Variants in CPXM1 observed in about 807,000 individuals in gnomAD.
CPXM1 encodes probable carboxypeptidase X1.
Under a neutral mutation model 80.4 loss-of-function variants are expected in CPXM1, and 72 were observed. The ratio of observed to expected loss-of-function variants is 0.90; its 90% CI spans 0.74 to 1.09. CPXM1 has a LOEUF of 1.09. Among genes scored for constraint, CPXM1 ranks in the 50% least tolerant of loss-of-function variants. The pLI, the probability that CPXM1 is intolerant of heterozygous loss-of-function variation, is 0.00. For missense variants in CPXM1, 892 were observed against 999.4 expected (o/e 0.89, Z 1.45); for synonymous variants, 403 against 405.6 (o/e 0.99, Z 0.08).
rs373422048 is a variant in CPXM1 at position 2,795,825 on chromosome 20, G to T, written c.1494C>A (p.His498Gln). 1.9e-6 allele frequency: 3 copies of T among 1,611,804 alleles called. No individual in the cohort carries two copies. Among genetic ancestry groups the T allele is most frequent in the Admixed American group, 1.7e-5 (1 of 60,010 alleles). Residue 498 changes from histidine (H) to glutamine (Q), a missense_variant, in exon 11 of 14, where the codon CAC (histidine) becomes CAA (glutamine). Physicochemically the swap from His to Gln is conservative, Grantham distance 24 (BLOSUM62 0). Transcript: ENST00000380605. This position sits in a 1 kb window ranked among gnomAD's most constrained non-coding sequence, Gnocchi z 5.4. Reference sequence around the variant, plus strand: ...GGTAGGACACCACGAGCTCACCCCCGTGGAGGTTGGCACTTAGCACAAAGG... The same window carrying T: ...GGTAGGACACCACGAGCTCACCCCCTTGGAGGTTGGCACTTAGCACAAAGG... ...RIPFVLSANL[H>Q]GGELVVSYPF...
chr20:2,798,902 C>T lies in CPXM1; in HGVS notation c.173-9G>A, dbSNP rs780517948. On this transcript the variant is annotated splice_polypyrimidine_tract_variant and intron_variant, in intron 1 of 13. Transcript: ENST00000380605. ...ATGCTGTTCTGAGGTCCCTTGGGGT[C>T]CGAGAGGCACAGCATGGGGGAAAGG... The T allele has an allele frequency of 6.2e-7, 1 of 1,611,802 alleles. No individual in the cohort carries two copies. The highest frequency in any genetic ancestry group is 8.5e-7 in the Non-Finnish European group (1 of 1,178,738).
At position 2,794,133 on chromosome 20, in the gene CPXM1, C is replaced by A. The variant is rs1064561; in HGVS notation, c.*57G>T. 6.5e-7 allele frequency: 1 copy of A among 1,543,918 alleles called. No homozygotes were observed. Among genetic ancestry groups the A allele is most frequent in the Non-Finnish European group, 8.7e-7 (1 of 1,146,480 alleles). On this transcript the variant is annotated 3_prime_UTR_variant, in exon 14 of 14. Transcript: ENST00000380605. The surrounding 1 kb of genome is among the most constrained non-coding windows in gnomAD (Gnocchi z 5.2). ...CTCACTTTGTCCCTCCCTCTCTACTCTTCCCCTTCCCGTCTTGACAGGTCC... is the reference window on the plus strand; with the variant it reads ...CTCACTTTGTCCCTCCCTCTCTACTATTCCCCTTCCCGTCTTGACAGGTCC...
In CPXM1 at chr20:2,795,328, C is replaced by T. The variant is rs2088493583; in HGVS notation, c.1809G>A (p.Leu603=). 3.1e-6 allele frequency: 5 copies of T among 1,614,152 alleles called. No homozygotes were observed. Among genetic ancestry groups the T allele is most frequent in the African/African-American group, 1.3e-5 (1 of 75,058 alleles). ...SCDKFPHENE[L]PQEWENNKDA... is the part of the protein sequence containing the mutation. ...CTTTGTTGTTCTCCCACTCCTGGGG[C>T]AATTCATTCTCGTGAGGGAACTTGT... The change falls in exon 12 of 14, where the codon TTG becomes TTA. Residue 603 remains leucine, a synonymous_variant. Transcript: ENST00000380605. This position sits in a 1 kb window ranked among gnomAD's most constrained non-coding sequence, Gnocchi z 5.4.
intron 6 of CPXM1, 28 bp from the exon 7 acceptor site, chr20:2,797,122 G>A: frequency 6.2e-7 from 1 of 1,613,796 alleles, no homozygotes. Flanking sequence ...TATGGTAAAG[G>A]GTGTGTCCAC....
chr20:2,796,469 G>C lies in CPXM1; in HGVS notation c.1046-26C>G. The C allele has an allele frequency of 6.2e-7, 1 of 1,613,430 alleles. No homozygotes were observed. The highest frequency in any genetic ancestry group is 8.5e-7 in the Non-Finnish European group (1 of 1,179,572). ...CTGGGGACACATGGGGGCTTGCAGC[G>C]GGTTCATGCCTGGGGCCCTGCCCTG... On this transcript the variant is annotated intron_variant, in intron 8 of 13. Transcript: ENST00000380605. The surrounding 1 kb of genome is among the most constrained non-coding windows in gnomAD (Gnocchi z 6.8).
rs774363677 is a variant in CPXM1 at position 2,794,289 on chromosome 20, C to T, written c.2106G>A (p.Lys702=). The T allele has an allele frequency of 6.2e-6, 10 of 1,614,008 alleles. No homozygotes were observed. In the East Asian group the frequency reaches 1.6e-4, roughly 25 times the overall value. ...GCTCGCGCAGCCTCTGTTTGGGAGTCTTGGTGAGCACGAAATTGCAGGGGA... is the reference window on the plus strand; with the variant it reads ...GCTCGCGCAGCCTCTGTTTGGGAGTTTTGGTGAGCACGAAATTGCAGGGGA... ...GPFPCNFVLT[K]TPKQRLRELL... Residue 702 remains lysine (K), a synonymous_variant, in exon 14 of 14, where the codon AAG becomes AAA. Coordinates refer to ENST00000380605, the MANE Select transcript of CPXM1 (RefSeq NM_019609.5). The surrounding 1 kb of genome is among the most constrained non-coding windows in gnomAD (Gnocchi z 5.2).
rs745378870 is a variant in CPXM1, at chr20:2,796,403, G to T, written c.1086C>A (p.Asn362Lys). The T allele has an allele frequency of 6.2e-7, 1 of 1,614,018 alleles. No individual in the cohort carries two copies. Among genetic ancestry groups the T allele is most frequent in the African/African-American group, 1.3e-5 (1 of 75,038 alleles). ...EVRYVAGMHGNEALGRELLLL... is the reference protein window; with the variant it reads ...EVRYVAGMHGKEALGRELLLL... ...GAAGCAACTCCCGCCCCAGGGCCTC[G>T]TTCCCATGCATGCCAGCCACGTAGC... is the stretch of plus-strand genomic sequence containing the variant. Residue 362 changes from asparagine (N) to lysine (K), a missense_variant, in exon 9 of 14, where the codon AAC (asparagine) becomes AAA (lysine). Coordinates refer to ENST00000380605, the MANE Select transcript of CPXM1 (RefSeq NM_019609.5). The surrounding 1 kb of genome is among the most constrained non-coding windows in gnomAD (Gnocchi z 6.8).
In CPXM1 at chr20:2,796,898, C is replaced by A; in HGVS notation, c.921+108G>T. 1 of 1,106,124 alleles carries A rather than the reference C, an allele frequency of 9.0e-7. No individual in the cohort carries two copies. The highest frequency in any genetic ancestry group is 1.3e-6 in the Non-Finnish European group (1 of 743,296). 68.5% of individuals were successfully genotyped at this position (1,106,124 alleles called of 1,614,324 possible). On this transcript the variant is annotated intron_variant, in intron 7 of 13. Transcript: ENST00000380605. The surrounding 1 kb of genome is among the most constrained non-coding windows in gnomAD (Gnocchi z 6.8). Reference sequence around the variant, plus strand: ...AGAAGGCTGAGACATCAGGAGGCAGCAGGGGCATACAAGCGCAGTCACAGC... The same window carrying A: ...AGAAGGCTGAGACATCAGGAGGCAGAAGGGGCATACAAGCGCAGTCACAGC...
At position 2,798,756 on chromosome 20, in the gene CPXM1, T is replaced by C. The variant is rs936601760; in HGVS notation, c.310A>G (p.Thr104Ala). The change falls in exon 2 of 14, where the codon ACC becomes GCC. Residue 104 changes from threonine to alanine, a missense_variant. Thr to Ala is a moderately conservative substitution (Grantham distance 58). Around this residue, in one of 2 missense-constraint regions of CPXM1, gnomAD observed 874 missense variants for 958.4 expected, o/e 0.91. Coordinates refer to ENST00000380605, the MANE Select transcript of CPXM1 (RefSeq NM_019609.5). ...TCTTGTTTCTCAGCGGGGTCGAGGG[T>C]CCCTGCTGGAGTGGGGGTCACAAGG... is the stretch of plus-strand genomic sequence containing the variant. ...GPLVTPTPAG[T>A]LDPAEKQETG... 1 of 1,613,392 alleles carries C rather than the reference T, an allele frequency of 6.2e-7. No homozygotes were observed. Among genetic ancestry groups the C allele is most frequent in the Non-Finnish European group, 8.5e-7 (1 of 1,179,808 alleles).
intron 1 of CPXM1, among the ~76,000 whole-genome samples, chr20:2,800,175 G>C (rs1360002299): frequency 6.6e-6 from 1 of 151,586 alleles, no homozygotes; most frequent in Admixed American, 6.6e-5. Flanking sequence ...GTGTGCATGC[G>C]TGTGAATGCG....
chr20:2,797,645 T>C (rs990906558), intron 5 of CPXM1, among the ~76,000 whole-genome samples: 1 of 152,058 alleles, frequency 6.6e-6, no homozygotes, highest in Non-Finnish European at 1.5e-5. Flanking sequence ...AAGAGGTCCA[T>C]GAGATGCGGA....
In CPXM1 at chr20:2,798,267, A is replaced by G; in HGVS notation, c.475T>C (p.Tyr159His). 6.2e-7 allele frequency: 1 copy of G among 1,613,938 alleles called. No homozygotes were observed. The highest frequency in any genetic ancestry group is 8.5e-7 in the Non-Finnish European group (1 of 1,179,990). ...IQSGLEDGDL[Y>H]DGAWCAEEQD... ...TCCTCAGCACACCAGGCTCCATCATATAGATCGCCGTCCTCCAGGCCTGAC... is the reference window on the plus strand; with the variant it reads ...TCCTCAGCACACCAGGCTCCATCATGTAGATCGCCGTCCTCCAGGCCTGAC... The change falls in exon 4 of 14, where the codon TAT (tyrosine) becomes CAT (histidine). Residue 159 changes from tyrosine to histidine, a missense_variant. Tyr to His is a moderately conservative substitution (Grantham distance 83). This residue lies in a region of CPXM1 where 874 missense variants were observed against 958.4 expected (regional missense o/e 0.91). Transcript: ENST00000380605.
chr20:2,798,662 G>C, intron 2 of CPXM1, 64 bp downstream of exon 2: 1 of 1,573,204 alleles, frequency 6.4e-7, no homozygotes, highest in Non-Finnish European at 8.7e-7. Context: ...ATGAGGCCAA[G>C]AGCTGTGCTG....
At position 2,798,194 on chromosome 20, in the gene CPXM1, C is replaced by G; in HGVS notation, c.548G>C (p.Arg183Pro). The change falls in exon 4 of 14, where the codon CGC becomes CCC. Residue 183 changes from arginine to proline, a missense_variant. This residue lies in a region of CPXM1 where 874 missense variants were observed against 958.4 expected (regional missense o/e 0.91). Transcript: ENST00000380605. ...WFQVDAGHPT[R>P]FSGVITQGRN... Reference sequence around the variant, plus strand: ...GCCCTGTGTGATAACACCCGAGAAGCGGGTGGGGTGCCCAGCGTCCACCTG... The same window carrying G: ...GCCCTGTGTGATAACACCCGAGAAGGGGGTGGGGTGCCCAGCGTCCACCTG... 1 of 1,613,968 alleles carries G rather than the reference C, an allele frequency of 6.2e-7. No individual in the cohort carries two copies. Among genetic ancestry groups the G allele is most frequent in the Non-Finnish European group, 8.5e-7 (1 of 1,180,020 alleles).
chr20:2,795,609 C>A lies in CPXM1; in HGVS notation c.1710G>T (p.Thr570=). The change falls in exon 11 of 14, where the codon ACG becomes ACT. Residue 570 remains threonine (T), a synonymous_variant. Coordinates refer to ENST00000380605, the MANE Select transcript of CPXM1 (RefSeq NM_019609.5). This position sits in a 1 kb window ranked among gnomAD's most constrained non-coding sequence, Gnocchi z 5.4. ...CCCTCAGGCACATACTCCCGGGGAC[C>A]GTGTGCCAGTCAGCCCCGTTGATGA... ...GNIINGADWH[T]VPGSMNDFSY... is the part of the protein sequence containing the mutation. 6.2e-7 allele frequency: 1 copy of A among 1,613,276 alleles called. No homozygotes were observed. Among genetic ancestry groups the A allele is most frequent in the Non-Finnish European group, 8.5e-7 (1 of 1,179,348 alleles).
At position 2,796,269 on chromosome 20, in the gene CPXM1, C is replaced by A. The variant is rs755262473; in HGVS notation, c.1220G>T (p.Gly407Val). 1.9e-6 allele frequency: 3 copies of A among 1,613,738 alleles called. No homozygotes were observed. In the South Asian group the frequency reaches 3.3e-5, roughly 18 times the overall value. ...IHLLPSMNPD[G>V]YEIAYHRGSE... The stretch of plus-strand genomic sequence containing the variant: ...TACCCGGTGGTAGGCGATCTCATAG[C>A]CATCAGGGTTCATGGAGGGCAGCAG... Residue 407 changes from glycine (G) to valine (V), a missense_variant, in exon 9 of 14, where the codon GGC (glycine) becomes GTC (valine). Gly to Val is a moderately radical substitution (Grantham distance 109). This residue lies in a region of CPXM1 where 874 missense variants were observed against 958.4 expected (regional missense o/e 0.91). Coordinates refer to ENST00000380605, the MANE Select transcript of CPXM1 (RefSeq NM_019609.5). This position sits in a 1 kb window ranked among gnomAD's most constrained non-coding sequence, Gnocchi z 6.8.
chr20:2,798,728 G>T lies in CPXM1; in HGVS notation c.338C>A (p.Thr113Lys). ...GTLDPAEKQE[T>K]GCPPLGLESL... ...CTGGGCCCCTGGAGAGGAAGTACCT[G>T]TTTCTTGTTTCTCAGCGGGGTCGAG... The change falls in exon 2 of 14, where the codon ACA becomes AAA. Residue 113 changes from threonine (T) to lysine (K), a missense_variant and splice_region_variant. This residue lies in a region of CPXM1 where 874 missense variants were observed against 958.4 expected (regional missense o/e 0.91). Coordinates refer to ENST00000380605, the MANE Select transcript of CPXM1 (RefSeq NM_019609.5). 4 of 1,611,248 alleles carry T rather than the reference G, an allele frequency of 2.5e-6. No individual in the cohort carries two copies. Among genetic ancestry groups the T allele is most frequent in the Non-Finnish European group, 3.4e-6 (4 of 1,178,908 alleles).
Position 2,800,555 on chromosome 20 carries a change from G to T in CPXM1, c.18C>A (p.Leu6=). The T allele has an allele frequency of 7.4e-7, 1 of 1,345,410 alleles. No homozygotes were observed. Among genetic ancestry groups the T allele is most frequent in the South Asian group, 1.8e-5 (1 of 54,510 alleles). 83.3% of individuals were successfully genotyped at this position (1,345,410 alleles called of 1,614,324 possible). ...CGGCCGGCGCGAAGGCGGCCAGGGC[G>T]AGCAGGAGCCCCCACATGGCGGGGA... MWGLL[L]ALAAFAPAVG... is the part of the protein sequence containing the mutation. Residue 6 remains leucine, a synonymous_variant, in exon 1 of 14, where the codon CTC becomes CTA. Coordinates refer to ENST00000380605, the MANE Select transcript of CPXM1 (RefSeq NM_019609.5).
intron 6 of CPXM1, 37 bp downstream of exon 6, chr20:2,797,155 C>A (rs1335328697): frequency 6.2e-7 from 1 of 1,610,396 alleles, no homozygotes; most frequent in African/African-American, 1.3e-5. Flanking sequence ...ACCCTGCATC[C>A]AAGCCCTGCC....
Sources: gnomAD v4.1 joint callset for allele counts (sites outside exome capture counted in the v4.1 genomes callset) on GRCh38, gnomAD v4.1.1 for gene constraint, gnomAD v4.1.1 regional missense constraint, Gnocchi (gnomAD v3.1) non-coding constraint, MANE v1.5 for transcripts, NCBI Gene and HGNC (gene_info 2026-07-23, HGNC 2026-07-21) for gene names.